The following PALLD variants were observed in gnomAD, a reference collection of about 807,000 sequenced individuals.
The protein encoded by PALLD is palladin, cytoskeletal associated protein.
PALLD carries 61 observed loss-of-function variants against 123.5 expected under a neutral mutation model. The observed-to-expected ratio is 0.49, with a 90% CI of 0.40 to 0.61. PALLD has a LOEUF of 0.61. Among genes scored for constraint, PALLD ranks in the 20% least tolerant of loss-of-function variants. The pLI is 0.00. For missense variants in PALLD, 1,273 were observed against 1,377.0 expected, an observed-to-expected ratio of 0.92 and a Z score of 1.20; for synonymous variants, 465 against 496.4, an observed-to-expected ratio of 0.94 and a Z score of 0.84.
intron 2 of PALLD, among the ~76,000 whole-genome samples, chr4:168,594,976 A>G (rs1333793976): frequency 6.6e-6 from 1 of 152,146 alleles, no homozygotes; most frequent in East Asian, 1.9e-4. Context: ...AGAGTAATCT[A>G]TTTCATGTAA....
intron 10 of PALLD, among the ~76,000 whole-genome samples, chr4:168,840,311 GGA>G (rs1745855927): frequency 6.6e-6 from 1 of 152,056 alleles, no homozygotes; most frequent in South Asian, 2.1e-4. Flanking sequence ...GCCTCTCCAG[GGA>G]GAAGCTTTTA....
intron 2 of PALLD, among the ~76,000 whole-genome samples, chr4:168,640,110 G>A (rs1318897631): frequency 2.0e-5 from 3 of 152,198 alleles, no homozygotes; most frequent in African/African-American, 4.8e-5. Context: ...TGCTTCCGTT[G>A]GTGCGGCCAA....
intron 2 of PALLD, among the ~76,000 whole-genome samples, chr4:168,524,248 C>T (rs996153681): frequency 6.6e-6 from 1 of 152,150 alleles, no homozygotes; most frequent in African/African-American, 2.4e-5. Flanking sequence ...TTGGCCAGTA[C>T]TATATGCTGT....
chr4:168,909,353 T>C (rs1758438157), intron 15 of PALLD, among the ~76,000 whole-genome samples: 2 of 152,192 alleles, frequency 1.3e-5, no homozygotes, highest in Admixed American at 1.3e-4. Flanking sequence ...CTATGAAATA[T>C]AAATGTTATT....
intron 10 of PALLD, among the ~76,000 whole-genome samples, chr4:168,852,689 A>G (rs2150986427): frequency 6.6e-6 from 1 of 152,340 alleles, no homozygotes; most frequent in Middle Eastern, 3.4e-3. Flanking sequence ...ACAAGAGTGT[A>G]GTTGCTCTTT....
chr4:168,853,024 T>C (rs1433790912), intron 10 of PALLD, among the ~76,000 whole-genome samples: 1 of 152,188 alleles, frequency 6.6e-6, no homozygotes, highest in East Asian at 1.9e-4. Context: ...AATAAATTAG[T>C]TTTCATAATT....
At chr4:168,771,842 G>A (rs1734495463) in intron 10 of PALLD, among the ~76,000 whole-genome samples, 1 of 152,268 alleles carries the variant, frequency 6.6e-6, no homozygotes, top group Admixed American at 6.5e-5. Flanking sequence ...CCCTTCCCTG[G>A]ATTCTAGGGA....
At chr4:168,670,236 A>C (rs1642822504) in intron 3 of PALLD, among the ~76,000 whole-genome samples, 1 of 152,162 alleles carries the variant, frequency 6.6e-6, no homozygotes, top group Admixed American at 6.5e-5. Flanking sequence ...AAATATGATA[A>C]ATTTTGGGTT....
intron 10 of PALLD, among the ~76,000 whole-genome samples, chr4:168,745,436 C>G (rs1388042960): frequency 4.2e-5 from 5 of 118,670 alleles, no homozygotes; most frequent in South Asian, 2.7e-4. Flanking sequence ...GAGGGGGGGG[C>G]AAATAATGAT....
chr4:168,697,731 G>A (rs895344923), intron 8 of PALLD, among the ~76,000 whole-genome samples: 1 of 152,114 alleles, frequency 6.6e-6, no homozygotes, highest in African/African-American at 2.4e-5. Flanking sequence ...GCAATTTTTT[G>A]AATTTTTGCA....
At chr4:168,837,243 A>G (rs191924331) in intron 10 of PALLD, among the ~76,000 whole-genome samples, 3 of 152,276 alleles carry the variant, frequency 2.0e-5, no homozygotes, top group Admixed American at 2.0e-4. Context: ...TATGGGACCA[A>G]TTTTGGATGG....
intron 10 of PALLD, among the ~76,000 whole-genome samples, chr4:168,723,561 T>C (rs1008999157): frequency 2.0e-5 from 3 of 152,128 alleles, no homozygotes; most frequent in African/African-American, 4.8e-5. Context: ...AGAAGGAAGA[T>C]GAGGAGGAAG....
At chr4:168,891,759 G>A (rs1049336683) in intron 11 of PALLD, among the ~76,000 whole-genome samples, 4 of 151,580 alleles carry the variant, frequency 2.6e-5, no homozygotes, top group South Asian at 2.1e-4. Flanking sequence ...GTGCGCTTTG[G>A]AATGGTTTGT....
intron 3 of PALLD, among the ~76,000 whole-genome samples, chr4:168,670,324 C>T (rs886682319): frequency 2.0e-4 from 30 of 152,200 alleles, no homozygotes; most frequent in African/African-American, 7.0e-4. Context: ...ATTTAACCAA[C>T]ATTTATTAAG....
At chr4:168,676,466 T>C (rs903872040) in intron 3 of PALLD, among the ~76,000 whole-genome samples, 7 of 151,358 alleles carry the variant, frequency 4.6e-5, no homozygotes, top group African/African-American at 2.4e-5. Flanking sequence ...ACTCCATGAC[T>C]CAGTTCAGTA....
chr4:168,748,837 C>T (rs1323196639), intron 10 of PALLD, among the ~76,000 whole-genome samples: 1 of 152,210 alleles, frequency 6.6e-6, no homozygotes, highest in Admixed American at 6.5e-5. Flanking sequence ...AGAGGCAGTT[C>T]ACAGTGTGGC....
intron 1 of PALLD, among the ~76,000 whole-genome samples, chr4:168,510,275 T>G (rs1295388358): frequency 6.6e-6 from 1 of 152,234 alleles, no homozygotes; most frequent in Non-Finnish European, 1.5e-5. Flanking sequence ...TGTAATAGCT[T>G]ACAGATAATG....
chr4:168,863,545 T>G (rs1749807844), intron 10 of PALLD, among the ~76,000 whole-genome samples: 1 of 152,180 alleles, frequency 6.6e-6, no homozygotes. Flanking sequence ...CAGTGAAGGA[T>G]GCAGGGCCCA....
At chr4:168,619,427 C>T (rs1488013792) in intron 2 of PALLD, among the ~76,000 whole-genome samples, 1 of 152,218 alleles carries the variant, frequency 6.6e-6, no homozygotes. Context: ...CTGAAATAGG[C>T]AGCCACTTAG....
Sources: gnomAD v4.1 joint callset for allele counts (sites outside exome capture counted in the v4.1 genomes callset) on GRCh38, gnomAD v4.1.1 for gene constraint, MANE v1.5 for transcripts, NCBI Gene and HGNC (gene_info 2026-07-23, HGNC 2026-07-21) for gene names.